PDZD2: variants seen among roughly 807,000 people sequenced by gnomAD.
PDZD2 encodes the protein PDZ domain-containing protein 2.
In PDZD2, 90 loss-of-function variants were observed where a neutral mutation model predicts 220.7. That is an observed-to-expected ratio of 0.41 (90% CI 0.34 to 0.49). PDZD2 has a LOEUF of 0.49. Ranked by LOEUF, PDZD2 falls within the 20% of genes least tolerant of loss-of-function variation. The pLI is 0.28. For synonymous variants in PDZD2, 1,375 were observed against 1,450.5 expected (o/e 0.95, Z 1.18); for missense variants, 3,174 against 3,608.5 (o/e 0.88, Z 3.08).
chr5:31,817,479 C>A (rs1394086265), intron 2 of PDZD2, among the ~76,000 whole-genome samples: 1 of 150,934 alleles, frequency 6.6e-6, no homozygotes, highest in Non-Finnish European at 1.5e-5. Flanking sequence ...GGCAACAGAG[C>A]AAGACTCCAT....
chr5:31,864,704 A>G (rs897932714), intron 2 of PDZD2, among the ~76,000 whole-genome samples: 1 of 149,834 alleles, frequency 6.7e-6, no homozygotes, highest in Non-Finnish European at 1.5e-5. Context: ...ATTAGTAGAC[A>G]CAGGGTTTCA....
At chr5:32,094,349 C>G (rs542397087) in intron 21 of PDZD2, among the ~76,000 whole-genome samples, 1 of 152,108 alleles carries the variant, frequency 6.6e-6, no homozygotes, top group Non-Finnish European at 1.5e-5. Flanking sequence ...GAGATTTGAA[C>G]CCTAATGAAT....
In PDZD2 at chr5:32,074,031, G is replaced by A. The variant is rs1741022851; in HGVS notation, c.2925G>A (p.Glu975=). 1 of 1,614,082 alleles carries A rather than the reference G, an allele frequency of 6.2e-7. No individual in the cohort carries two copies. Among genetic ancestry groups the A allele is most frequent in the Admixed American group, 1.7e-5 (1 of 60,014 alleles). ...CCAACGATGCCAGTGATGAGGAAGA[G>A]TTTGACAGAGAAGGGGACTGCATTT... is the stretch of plus-strand genomic sequence containing the variant. ...YDANDASDEE[E]FDREGDCISL... is the part of the protein sequence containing the mutation. Residue 975 remains glutamate, a synonymous_variant, in exon 18 of 25, where the codon GAG becomes GAA. Transcript: ENST00000438447.
At chr5:31,731,832 T>C (rs1251036218) in intron 1 of PDZD2, among the ~76,000 whole-genome samples, 1 of 152,250 alleles carries the variant, frequency 6.6e-6, no homozygotes, top group African/African-American at 2.4e-5. Context: ...AGTATTTGTT[T>C]GAATAACTTA....
chr5:31,864,837 G>GTCT (rs1738047917), intron 2 of PDZD2, among the ~76,000 whole-genome samples: 1 of 106,648 alleles, frequency 9.4e-6, no homozygotes, highest in Non-Finnish European at 1.9e-5. Context: ...TATGAGATTT[G>GTCT]TCTTTTTTTT....
intron 1 of PDZD2, chr5:31,744,596 A>T (rs1374848149): frequency 6.6e-6 from 1 of 152,066 alleles, no homozygotes; most frequent in Non-Finnish European, 1.5e-5. Flanking sequence ...AAGAAGAAAG[A>T]TTTTTCCCCT....
intron 1 of PDZD2, among the ~76,000 whole-genome samples, chr5:31,700,107 A>C (rs1014371222): frequency 6.6e-6 from 1 of 152,166 alleles, no homozygotes; most frequent in Non-Finnish European, 1.5e-5. Flanking sequence ...TTTGGCTCGA[A>C]TGAGAGCCAG....
chr5:31,974,007 G>A lies in PDZD2; in HGVS notation c.477-9148G>A, dbSNP rs115003754. On this transcript the variant is annotated intron_variant, in intron 2 of 24. Coordinates refer to ENST00000438447, the MANE Select transcript of PDZD2 (RefSeq NM_178140.4). The stretch of plus-strand genomic sequence containing the variant: ...TTGTTTCATTTTGTTTTGAGACAGA[G>A]TCTCACTCCGTCACCCAGGCTGGAA... 6.7e-3 allele frequency among the ~76,000 whole-genome samples: 1,018 copies of A among 152,306 alleles called. 6 individuals carry two copies. Among genetic ancestry groups the A allele is most frequent in the Non-Finnish European group, 0.011 (731 of 68,018 alleles).
At position 31,646,400 on chromosome 5, in the gene PDZD2, A is replaced by G. The variant is rs182828966; in HGVS notation, c.-361+6963A>G. 6.6e-6 allele frequency among the ~76,000 whole-genome samples: 1 copy of G among 152,262 alleles called. No individual in the cohort carries two copies. Among genetic ancestry groups the G allele is most frequent in the East Asian group, 1.9e-4 (1 of 5,176 alleles). On this transcript the variant is annotated intron_variant, in intron 1 of 24. Transcript: ENST00000438447. The surrounding 1 kb of genome is among the most constrained non-coding windows in gnomAD (Gnocchi z 4.7). ...AACCTGACCCCTCCACGTCATGAAC[A>G]CTAAGTAGCTCCTGACACTGCTTAT...
intron 2 of PDZD2, among the ~76,000 whole-genome samples, chr5:31,857,245 T>C (rs1758534896): frequency 6.6e-6 from 1 of 152,210 alleles, no homozygotes; most frequent in African/African-American, 2.4e-5. Flanking sequence ...GGTCCCTCCC[T>C]CATGAGAACT....
At chr5:31,706,092 AGGATTATTTGCTGGTTTTATTCACTGAT>A (rs1277854454) in intron 1 of PDZD2, among the ~76,000 whole-genome samples, 6 of 152,208 alleles carry the variant, frequency 3.9e-5, no homozygotes, top group Non-Finnish European at 5.9e-5. Flanking sequence ...TATAAGGGGA[AGGATTATTTGCTGGTTTTATTCACTGAT>A]GGATCCCACA....
At chr5:31,661,896 C>T (rs1219587805) in intron 1 of PDZD2, among the ~76,000 whole-genome samples, 3 of 151,146 alleles carry the variant, frequency 2.0e-5, no homozygotes, top group Non-Finnish European at 4.4e-5. Context: ...TGAAAAGACT[C>T]CTGGGTGGCC....
At chr5:31,773,021 A>G (rs1223649580) in intron 1 of PDZD2, among the ~76,000 whole-genome samples, 1 of 152,208 alleles carries the variant, frequency 6.6e-6, no homozygotes, top group East Asian at 1.9e-4. Flanking sequence ...TGGAGGCAAC[A>G]TGTAGTTCTT....
intron 5 of PDZD2, among the ~76,000 whole-genome samples, chr5:32,008,730 C>T (rs913087849): frequency 2.0e-5 from 3 of 152,110 alleles, no homozygotes; most frequent in East Asian, 3.8e-4. Context: ...TTCTCAGACA[C>T]GCAGGGGAGA....
intron 2 of PDZD2, among the ~76,000 whole-genome samples, chr5:31,891,191 C>G (rs536482308): frequency 7.4e-6 from 1 of 134,680 alleles, no homozygotes; most frequent in Non-Finnish European, 1.5e-5. Context: ...GGCTGGAGTG[C>G]AATGGCGCGA....
At chr5:31,981,247 C>T (rs1229303057) in intron 2 of PDZD2, among the ~76,000 whole-genome samples, 1 of 152,106 alleles carries the variant, frequency 6.6e-6, no homozygotes, top group Non-Finnish European at 1.5e-5. Flanking sequence ...GTCATGAGTA[C>T]CCCCCACCTT....
intron 23 of PDZD2, chr5:32,099,086 TTG>T (rs1384107458): frequency 6.5e-6 from 1 of 154,912 alleles, no homozygotes; most frequent in Non-Finnish European, 1.4e-5. Flanking sequence ...CAAGAGTATT[TTG>T]TGTCTGAAAA....
At chr5:31,829,406 C>T (rs1756416757) in intron 2 of PDZD2, among the ~76,000 whole-genome samples, 1 of 151,348 alleles carries the variant, frequency 6.6e-6, no homozygotes, top group Non-Finnish European at 1.5e-5. Context: ...CAGCTCACTG[C>T]AACCTCTACC....
intron 1 of PDZD2, among the ~76,000 whole-genome samples, chr5:31,652,036 T>C (rs1745372535): frequency 6.7e-6 from 1 of 149,066 alleles, no homozygotes; most frequent in Non-Finnish European, 1.5e-5. Flanking sequence ...TTTCACCATG[T>C]TGGCCAGGCT....
Sources: gnomAD v4.1 joint callset for allele counts (sites outside exome capture counted in the v4.1 genomes callset) on GRCh38, gnomAD v4.1.1 for gene constraint, Gnocchi (gnomAD v3.1) non-coding constraint, MANE v1.5 for transcripts, NCBI Gene and HGNC (gene_info 2026-07-23, HGNC 2026-07-21) for gene names.